TBC1D22A: variants seen among roughly 807,000 people sequenced by gnomAD.
TBC1D22A encodes the protein putative GTPase activator.
In TBC1D22A, 38 loss-of-function variants were observed where a neutral mutation model predicts 60.2. The ratio of observed to expected loss-of-function variants is 0.63; its 90% CI spans 0.49 to 0.83. TBC1D22A has a LOEUF of 0.83. Ranked by LOEUF, TBC1D22A falls within the 40% of genes least tolerant of loss-of-function variation. TBC1D22A has a pLI of 0.00. For synonymous variants in TBC1D22A, 302 were observed against 281.7 expected, an observed-to-expected ratio of 1.07 and a Z score of -0.72; for missense variants, 628 against 701.0, an observed-to-expected ratio of 0.90 and a Z score of 1.18.
At chr22:46,930,688 C>A (rs1317839961) in intron 8 of TBC1D22A, among the ~76,000 whole-genome samples, 1 of 150,918 alleles carries the variant, frequency 6.6e-6, no homozygotes, top group African/African-American at 2.4e-5. Context: ...TGGTCTCGAT[C>A]TCCTGACCTC....
At chr22:46,926,784 A>C (rs988485134) in intron 8 of TBC1D22A, among the ~76,000 whole-genome samples, 1 of 152,208 alleles carries the variant, frequency 6.6e-6, no homozygotes. Context: ...AGCCTACCCT[A>C]CATATTTCAG....
At chr22:47,071,905 G>A (rs1368149582) in intron 11 of TBC1D22A, among the ~76,000 whole-genome samples, 2 of 152,160 alleles carry the variant, frequency 1.3e-5, no homozygotes, top group Non-Finnish European at 2.9e-5. Flanking sequence ...GGTGTGTTTG[G>A]CTGGGCTCAG....
chr22:47,116,048 A>T, intron 12 of TBC1D22A: 1 of 152,196 alleles, frequency 6.6e-6, no homozygotes, highest in East Asian at 1.9e-4. Context: ...CAACTGCTAA[A>T]CGCCCTGCAG....
intron 10 of TBC1D22A, among the ~76,000 whole-genome samples, chr22:47,008,748 G>C (rs982125484): frequency 1.1e-4 from 16 of 152,348 alleles, no homozygotes; most frequent in South Asian, 8.3e-4. Flanking sequence ...CTGGGTACAG[G>C]CATTGAGAGA....
At position 47,125,211 on chromosome 22, in the gene TBC1D22A, C is replaced by G. The variant is rs189039986; in HGVS notation, c.1425+13608C>G. On this transcript the variant is annotated intron_variant, in intron 12 of 12. Coordinates refer to ENST00000337137, the MANE Select transcript of TBC1D22A (RefSeq NM_014346.5). ...GCCGCCAGCATGGCCAAATGCACCC[C>G]CCTGGGTTCCTCCTCACACTTCAGG... Among the ~76,000 whole-genome samples, 623 of 152,288 alleles carry G rather than the reference C, an allele frequency of 4.1e-3. 2 individuals are homozygous for G. The highest frequency in any genetic ancestry group is 6.1e-3 in the Non-Finnish European group (412 of 68,012).
rs137920761 is a variant in TBC1D22A at position 46,804,110 on chromosome 22, C to T, written c.637+6490C>T. On this transcript the variant is annotated intron_variant, in intron 4 of 12. Coordinates refer to ENST00000337137, the MANE Select transcript of TBC1D22A (RefSeq NM_014346.5). ...CGATGGCACCTCCTTGAGCCAAGGACGGGCTTTCCCAACCGTGTGACTCTG... is the reference window on the plus strand; with the variant it reads ...CGATGGCACCTCCTTGAGCCAAGGATGGGCTTTCCCAACCGTGTGACTCTG... Among the ~76,000 whole-genome samples, 512 of 152,336 alleles carry T rather than the reference C, an allele frequency of 3.4e-3. 1 individual carries two copies. The highest frequency in any genetic ancestry group is 0.012 in the African/African-American group (483 of 41,582).
intron 4 of TBC1D22A, among the ~76,000 whole-genome samples, chr22:46,804,137 GT>G (rs759035738): frequency 2.6e-5 from 4 of 152,326 alleles, no homozygotes; most frequent in Non-Finnish European, 4.4e-5. Context: ...GTGACTCTGG[GT>G]TTGCGTTTTC....
intron 7 of TBC1D22A, among the ~76,000 whole-genome samples, chr22:46,904,676 C>G (rs969736338): frequency 7.3e-5 from 11 of 150,666 alleles, no homozygotes; most frequent in African/African-American, 2.7e-4. Flanking sequence ...CCATGTTGGT[C>G]AGGCTGGTCT....
At chr22:46,896,836 G>T (rs2068705993) in intron 7 of TBC1D22A, among the ~76,000 whole-genome samples, 1 of 152,136 alleles carries the variant, frequency 6.6e-6, no homozygotes, top group African/African-American at 2.4e-5. Flanking sequence ...CTCAGAGTCA[G>T]TTTGCCAAGG....
rs760010010 is a variant in TBC1D22A at position 47,173,660 on chromosome 22, C to T, written c.*34C>T. ...CCACCCGCAGCTGGCCTCACTGTCC[C>T]GGGTGGCGCGCCCCACCTGCCTGGC... On this transcript the variant is annotated 3_prime_UTR_variant, in exon 13 of 13. Coordinates refer to ENST00000337137, the MANE Select transcript of TBC1D22A (RefSeq NM_014346.5). The T allele has an allele frequency of 3.3e-5, 53 of 1,609,702 alleles. No homozygotes were observed. Among genetic ancestry groups the T allele is most frequent in the Non-Finnish European group, 4.2e-5 (49 of 1,177,348 alleles).
intron 12 of TBC1D22A, among the ~76,000 whole-genome samples, chr22:47,151,930 C>A (rs969249266): frequency 6.6e-6 from 1 of 152,188 alleles, no homozygotes; most frequent in African/African-American, 2.4e-5. Context: ...CCTCTGGGGT[C>A]TCAGCTTCTG....
At chr22:46,772,105 A>G (rs1329433758) in intron 1 of TBC1D22A, among the ~76,000 whole-genome samples, 1 of 121,880 alleles carries the variant, frequency 8.2e-6, no homozygotes, top group Admixed American at 9.3e-5. Context: ...ACACATATAC[A>G]TATATATGTA....
At chr22:47,079,624 CA>C (rs1259480532) in intron 11 of TBC1D22A, among the ~76,000 whole-genome samples, 1 of 151,832 alleles carries the variant, frequency 6.6e-6, no homozygotes, top group Non-Finnish European at 1.5e-5. Context: ...CGACCACTAG[CA>C]AAATAAAACA....
chr22:47,043,560 G>A (rs1002395681), intron 11 of TBC1D22A, among the ~76,000 whole-genome samples: 41 of 152,210 alleles, frequency 2.7e-4, no homozygotes, highest in African/African-American at 9.2e-4. Context: ...GTGCGATACA[G>A]GTGCCCAGGT....
chr22:46,904,210 C>T (rs950631793), intron 7 of TBC1D22A, among the ~76,000 whole-genome samples: 5 of 137,254 alleles, frequency 3.6e-5, no homozygotes, highest in Admixed American at 7.2e-5. Context: ...TGGCTCAATG[C>T]GGTTTTTTGA....
At chr22:46,855,200 T>C (rs934077441) in intron 4 of TBC1D22A, among the ~76,000 whole-genome samples, 4 of 152,188 alleles carry the variant, frequency 2.6e-5, no homozygotes, top group Non-Finnish European at 4.4e-5. Flanking sequence ...GGGATAATTA[T>C]TACTTGTGCC....
At chr22:47,132,226 C>G (rs1050067277) in intron 12 of TBC1D22A, among the ~76,000 whole-genome samples, 4 of 152,148 alleles carry the variant, frequency 2.6e-5, no homozygotes, top group Admixed American at 6.5e-5. Context: ...CCCCCCGAGT[C>G]TTGGTCGTCA....
chr22:46,868,264 C>G (rs894395581), intron 4 of TBC1D22A, among the ~76,000 whole-genome samples: 5 of 152,172 alleles, frequency 3.3e-5, no homozygotes, highest in Admixed American at 2.0e-4. Flanking sequence ...ATTGTCCTCA[C>G]GAGTGGCTGA....
At chr22:46,818,189 T>A (rs931385930) in intron 4 of TBC1D22A, among the ~76,000 whole-genome samples, 1 of 152,250 alleles carries the variant, frequency 6.6e-6, no homozygotes, top group African/African-American at 2.4e-5. Context: ...TTTCTCCCAT[T>A]CTGTAAGTTG....
Sources: gnomAD v4.1 joint callset for allele counts (sites outside exome capture counted in the v4.1 genomes callset) on GRCh38, gnomAD v4.1.1 for gene constraint, MANE v1.5 for transcripts, NCBI Gene and HGNC (gene_info 2026-07-23, HGNC 2026-07-21) for gene names.